The following KCNH8 variants were observed in gnomAD, a reference collection of about 807,000 sequenced individuals.
The protein encoded by KCNH8 is potassium voltage-gated channel subfamily H member 8.
In KCNH8, 70 loss-of-function variants were observed where a neutral mutation model predicts 103.6. The ratio of observed to expected loss-of-function variants is 0.68; its 90% CI spans 0.56 to 0.82. KCNH8 has a LOEUF of 0.82. KCNH8 is among the 40% of genes least tolerant of loss of function. The pLI is 0.00. For synonymous variants in KCNH8, 498 were observed against 489.4 expected, an observed-to-expected ratio of 1.02 and a Z score of -0.23; for missense variants, 1,217 against 1,329.9, an observed-to-expected ratio of 0.92 and a Z score of 1.32.
chr3:19,430,829 G>C (rs117342864), intron 7 of KCNH8, among the ~76,000 whole-genome samples: 5,234 of 152,190 alleles, frequency 0.034, 231 homozygotes, highest in East Asian at 0.21. Context: ...TTTGCACATT[G>C]ATTTTGTATC....
chr3:19,331,249 T>TTTTATTTATTTATTTATTTA (rs71055062), intron 3 of KCNH8, among the ~76,000 whole-genome samples: 1 of 144,576 alleles, frequency 6.9e-6, no homozygotes, highest in Admixed American at 6.9e-5. Context: ...CTTTAATTAT[T>TTTTATTTATTTATTTATTTA]TTTATTTATT....
intron 3 of KCNH8, among the ~76,000 whole-genome samples, chr3:19,331,896 CTG>C (rs1451195518): frequency 2.0e-5 from 3 of 152,120 alleles, no homozygotes; most frequent in Non-Finnish European, 2.9e-5. Flanking sequence ...ATGAAAGTAA[CTG>C]TAAGTCAAAT....
intron 15 of KCNH8, among the ~76,000 whole-genome samples, chr3:19,523,586 G>C (rs756038260): frequency 6.6e-6 from 1 of 151,934 alleles, no homozygotes; most frequent in Non-Finnish European, 1.5e-5. Flanking sequence ...CTGCTTGGCT[G>C]TTTTCCATTT....
At chr3:19,470,595 C>A (rs772392044) in intron 11 of KCNH8, among the ~76,000 whole-genome samples, 1 of 152,062 alleles carries the variant, frequency 6.6e-6, no homozygotes, top group African/African-American at 2.4e-5. Flanking sequence ...GCAGAGTGAT[C>A]GGGGGCTTCA....
At chr3:19,246,271 G>GCTGTTTTTTTTT (rs2064203886) in intron 1 of KCNH8, among the ~76,000 whole-genome samples, 1 of 100,632 alleles carries the variant, frequency 9.9e-6, no homozygotes. Flanking sequence ...TTTTGTTGTT[G>GCTGTTTTTTTTT]TTGTTTTTTT....
At chr3:19,342,824 T>G in intron 4 of KCNH8, 110 bp downstream of exon 4, 1 of 1,110,422 alleles carries the variant, frequency 9.0e-7, no homozygotes, top group Non-Finnish European at 1.3e-6. Flanking sequence ...CTAGATTTTT[T>G]TTTCCACTTT....
In KCNH8 at chr3:19,533,684, C is replaced by A. The variant is rs745647182; in HGVS notation, c.2909C>A (p.Pro970His). 4.3e-6 allele frequency: 7 copies of A among 1,613,862 alleles called. No individual in the cohort carries two copies. The highest frequency in any genetic ancestry group is 5.1e-6 in the Non-Finnish European group (6 of 1,179,972). ...GATCCCTCCTCTGTGGGGAGCAGCCCCCAACGAACTGGAGCTCATGAGCAA... is the reference window on the plus strand; with the variant it reads ...GATCCCTCCTCTGTGGGGAGCAGCCACCAACGAACTGGAGCTCATGAGCAA... ...SVDPSSVGSSPQRTGAHEQNP... is the reference protein window; with the variant it reads ...SVDPSSVGSSHQRTGAHEQNP... Residue 970 changes from proline to histidine, a missense_variant, in exon 16 of 16, where the codon CCC (proline) becomes CAC (histidine). Transcript: ENST00000328405.
rs1331400030 is a variant in KCNH8, at chr3:19,371,436, C to T, written c.812-19045C>T. Among the ~76,000 whole-genome samples, 184 of 149,802 alleles carry T rather than the reference C, an allele frequency of 1.2e-3. 1 individual carries two copies. The highest frequency in any genetic ancestry group is 1.1e-3 in the South Asian group (5 of 4,712). Reference sequence around the variant, plus strand: ...TTGAGAAGTGTCTGTTCATGTCCTTCGCCCACTTTTTGATGGGGTTGTTTG... The same window carrying T: ...TTGAGAAGTGTCTGTTCATGTCCTTTGCCCACTTTTTGATGGGGTTGTTTG... On this transcript the variant is annotated intron_variant, in intron 5 of 15. Coordinates refer to ENST00000328405, the MANE Select transcript of KCNH8 (RefSeq NM_144633.3).
chr3:19,377,720 G>T (rs1036637022), intron 5 of KCNH8, among the ~76,000 whole-genome samples: 11 of 152,198 alleles, frequency 7.2e-5, no homozygotes, highest in Admixed American at 6.5e-5. Flanking sequence ...ATTTATGAGT[G>T]CTGCCATCCA....
rs540754890 is a variant in KCNH8, at chr3:19,327,412, C to T, written c.443-15175C>T. ...TCAAGCAACTCTCCTGTCTGAGCCT[C>T]CCAAGTAGCTGGGATAACAGGCACA... On this transcript the variant is annotated intron_variant, in intron 3 of 15. Transcript: ENST00000328405. Among the ~76,000 whole-genome samples the T allele has an allele frequency of 2.0e-5, 3 of 152,278 alleles. No individual in the cohort carries two copies. The East Asian group carries it at 5.8e-4, about 29-fold the overall frequency.
intron 8 of KCNH8, among the ~76,000 whole-genome samples, chr3:19,445,195 A>G (rs1450671919): frequency 1.3e-5 from 2 of 152,002 alleles, no homozygotes; most frequent in Non-Finnish European, 2.9e-5. Flanking sequence ...TACAAACTCA[A>G]TGCTCAACAG....
chr3:19,270,460 A>G (rs1390967112), intron 2 of KCNH8, among the ~76,000 whole-genome samples: 2 of 152,154 alleles, frequency 1.3e-5, no homozygotes, highest in Non-Finnish European at 2.9e-5. Flanking sequence ...ATTTTTCACA[A>G]AACGATTTCT....
chr3:19,449,291 CATAT>C (rs71055066), intron 8 of KCNH8, among the ~76,000 whole-genome samples: 3,248 of 139,950 alleles, frequency 0.023, 85 homozygotes, highest in African/African-American at 0.059. Context: ...ACAAGAGTCC[CATAT>C]ATATATATAT....
chr3:19,361,992 T>C, intron 5 of KCNH8, among the ~76,000 whole-genome samples: 1 of 152,128 alleles, frequency 6.6e-6, no homozygotes, highest in East Asian at 1.9e-4. Context: ...ATGTTTCATT[T>C]GTAAATGGGC....
intron 1 of KCNH8, among the ~76,000 whole-genome samples, chr3:19,248,981 T>G (rs1000283544): frequency 1.3e-5 from 2 of 152,190 alleles, no homozygotes; most frequent in Non-Finnish European, 2.9e-5. Context: ...AATAGTCAGC[T>G]GCCTAGTGTA....
At chr3:19,517,273 C>T (rs1402935466) in intron 14 of KCNH8, among the ~76,000 whole-genome samples, 2 of 152,044 alleles carry the variant, frequency 1.3e-5, no homozygotes, top group African/African-American at 2.4e-5. Flanking sequence ...GATATATCTG[C>T]AAAACAATTT....
chr3:19,208,821 C>G (rs1405620036), intron 1 of KCNH8, among the ~76,000 whole-genome samples: 1 of 151,652 alleles, frequency 6.6e-6, no homozygotes, highest in Non-Finnish European at 1.5e-5. Context: ...GAAATTTTTC[C>G]TCTTTATGGG....
At chr3:19,340,640 A>G (rs1480949684) in intron 3 of KCNH8, among the ~76,000 whole-genome samples, 1 of 152,198 alleles carries the variant, frequency 6.6e-6, no homozygotes, top group East Asian at 1.9e-4. Context: ...TTACTAAAAT[A>G]TAGTGCAATT....
intron 1 of KCNH8, among the ~76,000 whole-genome samples, chr3:19,162,751 C>A (rs758101752): frequency 6.6e-6 from 1 of 151,956 alleles, no homozygotes; most frequent in Non-Finnish European, 1.5e-5. Flanking sequence ...CATATGGACA[C>A]CTATTATGAT....
Sources: allele counts gnomAD v4.1 joint callset (sites outside exome capture counted in the v4.1 genomes callset), GRCh38; gene constraint gnomAD v4.1.1; transcripts MANE v1.5; gene names NCBI Gene and HGNC (gene_info 2026-07-23, HGNC 2026-07-21).